Variants in FGF13 observed in about 807,000 individuals in gnomAD.
FGF13 encodes the protein fibroblast growth factor homologous factor 2.
In FGF13, 2 loss-of-function variants were observed where a neutral mutation model predicts 19.5. That is an observed-to-expected ratio of 0.10 (90% CI 0.04 to 0.32). The LOEUF (loss-of-function observed/expected upper bound fraction) is 0.32. FGF13 is among the 10% of genes least tolerant of loss of function. FGF13 has a pLI of 1.00. For synonymous variants in FGF13, 72 were observed against 76.9 expected (o/e 0.94, Z 0.33); for missense variants, 113 against 192.7 (o/e 0.59, Z 2.45).
chrX:138,996,980 A>G (rs752808749), intron 1 of FGF13, among the ~76,000 whole-genome samples: 90 of 112,132 alleles, frequency 8.0e-4, no homozygotes, highest in Non-Finnish European at 1.3e-3. Context: ...TTCCAGAGGA[A>G]GTATCAGGCA....
intron 1 of FGF13, among the ~76,000 whole-genome samples, chrX:139,053,562 G>C: frequency 9.0e-6 from 1 of 110,847 alleles, no homozygotes; most frequent in Middle Eastern, 4.7e-3. Context: ...TTTAAGAACT[G>C]TCTATTCATG....
intron 3 of FGF13, among the ~76,000 whole-genome samples, chrX:138,774,044 T>A (rs1281112618): frequency 1.8e-5 from 2 of 111,782 alleles, no homozygotes; most frequent in African/African-American, 6.5e-5. Context: ...CCTTTCATTG[T>A]CCCATGCTTT....
At chrX:138,933,293 C>A (rs1323475617) in intron 1 of FGF13, among the ~76,000 whole-genome samples, 7 of 111,620 alleles carry the variant, frequency 6.3e-5, no homozygotes, top group Non-Finnish European at 9.4e-5. Context: ...TTTAAGAAAA[C>A]CAAAAATATT....
chrX:138,733,591 G>A (rs1263473772), intron 1 of FGF13, among the ~76,000 whole-genome samples: 3 of 111,277 alleles, frequency 2.7e-5, no homozygotes, highest in Non-Finnish European at 5.7e-5. Context: ...ACAAATCTTG[G>A]TCATGTTATG....
At chrX:138,740,346 C>A (rs748697641), upstream of FGF13, among the ~76,000 whole-genome samples, 6 of 111,733 alleles carry the variant, frequency 5.4e-5, no homozygotes, top group Non-Finnish European at 7.5e-5. Flanking sequence ...GCCCCAGTAC[C>A]CATATTCAGT....
At chrX:138,971,036 T>G (rs2091913267) in intron 1 of FGF13, among the ~76,000 whole-genome samples, 1 of 111,533 alleles carries the variant, frequency 9.0e-6, no homozygotes, top group Non-Finnish European at 1.9e-5. Flanking sequence ...ACTTCAGAAG[T>G]TGAGTGTTTC....
chrX:138,879,643 T>C (rs1378049304), intron 1 of FGF13, among the ~76,000 whole-genome samples: 2 of 111,519 alleles, frequency 1.8e-5, no homozygotes, highest in East Asian at 5.7e-4. Flanking sequence ...TTTCTCCTAA[T>C]GCTATCCCTC....
At chrX:138,678,439 G>A (rs751623120) in intron 3 of FGF13, among the ~76,000 whole-genome samples, 76 of 111,679 alleles carry the variant, frequency 6.8e-4, no homozygotes, top group Non-Finnish European at 1.3e-3. Context: ...TAACTAAACC[G>A]TTAGATTCAC....
At chrX:139,092,002 G>C (rs750127769) in intron 1 of FGF13, among the ~76,000 whole-genome samples, 7 of 110,922 alleles carry the variant, frequency 6.3e-5, no homozygotes, top group South Asian at 7.8e-4. Context: ...AAAGAGAAGA[G>C]GCCAGAGAAG....
At position 138,635,577 on chromosome X, in the gene FGF13, G is replaced by A; in HGVS notation, c.481C>T (p.Arg161Cys). The A allele has an allele frequency of 6.6e-6, 8 of 1,208,880 alleles. No homozygotes were observed. Among genetic ancestry groups the A allele is most frequent in the Non-Finnish European group, 7.8e-6 (7 of 893,522 alleles). The change falls in exon 4 of 5, where the codon CGT (arginine) becomes TGT (cysteine). Residue 161 changes from arginine (R) to cysteine (C), a missense_variant. Arg to Cys is a radical substitution (Grantham distance 180). Transcript: ENST00000315930. ...YYVTYSSMIY[R>C]QQQSGRGWYL... is the part of the protein sequence containing the mutation. ...CACCCTCGGCCTGACTGCTGCTGACGGTATATCATTGATGAATATGTCACA... is the reference window on the plus strand; with the variant it reads ...CACCCTCGGCCTGACTGCTGCTGACAGTATATCATTGATGAATATGTCACA...
intron 1 of FGF13, among the ~76,000 whole-genome samples, chrX:138,958,685 G>A (rs940983190): frequency 9.0e-6 from 1 of 111,582 alleles, no homozygotes; most frequent in Non-Finnish European, 1.9e-5. Flanking sequence ...ATTAATTAGT[G>A]CCTCAATTTC....
Position 138,649,296 on chromosome X carries a change from G to A in FGF13, c.403-13641C>T, listed in dbSNP as rs146048171. 5.6e-3 allele frequency among the ~76,000 whole-genome samples: 629 copies of A among 111,593 alleles called. 6 individuals carry two copies. The highest frequency in any genetic ancestry group is 0.014 in the Middle Eastern group (3 of 215). On this transcript the variant is annotated intron_variant, in intron 3 of 4. Coordinates refer to ENST00000315930, the MANE Select transcript of FGF13 (RefSeq NM_004114.5). ...TGGCTACTATATCCCTCAACATCAG[G>A]AGGATACAAACAACACTCCTTCCCC... is the stretch of plus-strand genomic sequence containing the variant.
chrX:139,085,802 C>T (rs1213812545), intron 1 of FGF13, among the ~76,000 whole-genome samples: 1 of 112,154 alleles, frequency 8.9e-6, no homozygotes, highest in Non-Finnish European at 1.9e-5. Context: ...AAATGATGCT[C>T]TGAAACTATA....
intron 1 of FGF13, among the ~76,000 whole-genome samples, chrX:139,036,668 C>T (rs1328779967): frequency 9.0e-6 from 1 of 111,005 alleles, no homozygotes; most frequent in Non-Finnish European, 1.9e-5. Context: ...TAAAGACATA[C>T]CCGAGACTGG....
chrX:139,100,435 A>G (rs2083503669), intron 1 of FGF13, among the ~76,000 whole-genome samples: 3 of 109,935 alleles, frequency 2.7e-5, no homozygotes, highest in African/African-American at 1.0e-4. Context: ...GCAGATATGA[A>G]CAAGAATGAG....
chrX:138,745,098 T>C (rs1248066744), intron 3 of FGF13, among the ~76,000 whole-genome samples: 1 of 112,140 alleles, frequency 8.9e-6, no homozygotes, highest in Non-Finnish European at 1.9e-5. Context: ...AAAAGCAGCA[T>C]AGTGCATGCT....
At chrX:139,106,579 C>A (rs1332356484) in intron 1 of FGF13, among the ~76,000 whole-genome samples, 1 of 111,328 alleles carries the variant, frequency 9.0e-6, no homozygotes, top group African/African-American at 3.3e-5. Context: ...ATTTGGGCCT[C>A]CGAGATGTTT....
Position 139,176,380 on chromosome X carries a change from GT to G in FGF13, c.-113+27035del, listed in dbSNP as rs36133825. Among the ~76,000 whole-genome samples the G allele has an allele frequency of 8.2e-3, 732 of 88,948 alleles. 2 individuals carry two copies. The highest frequency in any genetic ancestry group is 0.012 in the African/African-American group (284 of 24,338). The allele number at this position is 88,948 out of a possible 115,157, so 77.2% of individuals were successfully genotyped here. On this transcript the variant is annotated intron_variant, in intron 1 of 2. Transcript: ENST00000421460. ...CCTGGATTCACTGATTTTTTGAAGG[GT>G]TTTTTTTTTTTTTTTGTCTCTATCT... is the stretch of plus-strand genomic sequence containing the variant.
intron 3 of FGF13, among the ~76,000 whole-genome samples, chrX:138,822,025 C>T (rs2091002896): frequency 9.0e-6 from 1 of 111,385 alleles, no homozygotes; most frequent in Non-Finnish European, 1.9e-5. Flanking sequence ...TGATTACACA[C>T]CAAATCAAGA....
Sources: allele counts gnomAD v4.1 joint callset (sites outside exome capture counted in the v4.1 genomes callset), GRCh38; gene constraint gnomAD v4.1.1; transcripts MANE v1.5; gene names NCBI Gene and HGNC (gene_info 2026-07-23, HGNC 2026-07-21).